The following ABRAXAS1 variants were observed in gnomAD, a reference collection of about 807,000 sequenced individuals.
The protein encoded by ABRAXAS1 is abraxas 1, BRCA1 A complex subunit.
Under a neutral mutation model 38.4 loss-of-function variants are expected in ABRAXAS1, and 26 were observed. The ratio of observed to expected loss-of-function variants is 0.68; its 90% CI spans 0.50 to 0.94. The LOEUF (loss-of-function observed/expected upper bound fraction) is 0.94, where lower values mean the gene tolerates loss of function less well. Ranked by LOEUF, ABRAXAS1 falls within the 40% of genes least tolerant of loss-of-function variation. ABRAXAS1 has a pLI of 0.00. For synonymous variants in ABRAXAS1, 144 were observed against 165.5 expected (o/e 0.87, Z 1.00); for missense variants, 438 against 481.9 (o/e 0.91, Z 0.85).
chr4:83,473,905 G>A (rs1320557619), intron 3 of ABRAXAS1, among the ~76,000 whole-genome samples: 2 of 151,680 alleles, frequency 1.3e-5, no homozygotes, highest in Non-Finnish European at 2.9e-5. Flanking sequence ...GCTGAGGTGG[G>A]TGGATCACTT....
In ABRAXAS1 at chr4:83,467,553, C is replaced by A; in HGVS notation, c.597-15G>T. On this transcript the variant is annotated splice_polypyrimidine_tract_variant and intron_variant, in intron 6 of 8. Transcript: ENST00000321945. ...AAAATTTAGAGCTGTAAAAAATTAC[C>A]ATTTCCTCAGGCAAATACACAAAAC... 1 of 1,343,076 alleles carries A rather than the reference C, an allele frequency of 7.4e-7. No homozygotes were observed. The highest frequency in any genetic ancestry group is 1.2e-5 in the South Asian group (1 of 82,626). The allele number at this position is 1,343,076 out of a possible 1,614,324, so 83.2% of individuals were successfully genotyped here. A position where few individuals can be genotyped will look rare whatever the true frequency, so the allele number is the denominator to read the frequency against.
chr4:83,478,001 A>G, intron 2 of ABRAXAS1: 1 of 968,652 alleles, frequency 1.0e-6, no homozygotes, highest in Non-Finnish European at 1.6e-6. Flanking sequence ...TGGCAGCTTC[A>G]TCGATATATA....
chr4:83,478,463 C>T, intron 2 of ABRAXAS1: 1 of 452,582 alleles, frequency 2.2e-6, no homozygotes, highest in Non-Finnish European at 4.4e-6. Context: ...GCCAGCCTTT[C>T]TACTCCTTTT....
intron 3 of ABRAXAS1, among the ~76,000 whole-genome samples, chr4:83,475,258 C>A (rs990562251): frequency 1.3e-5 from 2 of 152,130 alleles, no homozygotes; most frequent in African/African-American, 4.8e-5. Flanking sequence ...TTTTGTATGT[C>A]CATTACACAT....
At chr4:83,476,072 G>A (rs535297974) in intron 3 of ABRAXAS1, among the ~76,000 whole-genome samples, 3 of 152,220 alleles carry the variant, frequency 2.0e-5, no homozygotes, top group Admixed American at 2.0e-4. Context: ...GTGGTGGCTG[G>A]TGCCTGTGGT....
At position 83,461,037 on chromosome 4, in the gene ABRAXAS1, G is replaced by T; in HGVS notation, c.*1432C>A. The T allele has an allele frequency of 6.2e-7, 1 of 1,612,916 alleles. No individual in the cohort carries two copies. The highest frequency in any genetic ancestry group is 8.5e-7 in the Non-Finnish European group (1 of 1,179,374). On this transcript the variant is annotated 3_prime_UTR_variant, in exon 9 of 9. Transcript: ENST00000321945. ...TTAAGAGAGCTCAAATAATGGGTAA[G>T]AAAGAATACCTCAACAACTGAATTG... is the stretch of plus-strand genomic sequence containing the variant.
chr4:83,468,645 A>G (rs1215845159), intron 6 of ABRAXAS1, among the ~76,000 whole-genome samples: 2 of 152,112 alleles, frequency 1.3e-5, no homozygotes, highest in African/African-American at 4.8e-5. Flanking sequence ...ACTTATTCTA[A>G]CCTAGAATAG....
Position 83,461,523 on chromosome 4 carries a change from TTAAGA to T in ABRAXAS1, c.*941_*945del, listed in dbSNP as rs1722117040. ...AACTAGCAAATATAAGTATGCCTGG[TTAAGA>T]TATCTTCCCTTTGTAGAAATGTTAC... On this transcript the variant is annotated 3_prime_UTR_variant, in exon 9 of 9. Coordinates refer to ENST00000321945, the MANE Select transcript of ABRAXAS1 (RefSeq NM_139076.3). The T allele has an allele frequency of 3.1e-6, 1 of 327,190 alleles. No homozygotes were observed. The highest frequency in any genetic ancestry group is 4.2e-5 in the Admixed American group (1 of 23,614). 20.3% of individuals were successfully genotyped at this position (327,190 alleles called of 1,614,324 possible). A position where few individuals can be genotyped will look rare whatever the true frequency, so the allele number is the denominator to read the frequency against.
chr4:83,482,428 A>G (rs1159095185), intron 1 of ABRAXAS1, among the ~76,000 whole-genome samples, 184 bp from the exon 2 acceptor site: 1 of 152,240 alleles, frequency 6.6e-6, no homozygotes, highest in Non-Finnish European at 1.5e-5. Context: ...AAATGAGAAG[A>G]GGCTAGGCAA....
Position 83,469,392 on chromosome 4 carries a change from A to T in ABRAXAS1, c.477-241T>A, listed in dbSNP as rs1722500108. 4 of 389,402 alleles carry T rather than the reference A, an allele frequency of 1.0e-5. No homozygotes were observed. The South Asian group carries it at 1.4e-4, about 14-fold the overall frequency. 24.1% of individuals were successfully genotyped at this position (389,402 alleles called of 1,614,324 possible). A position where few individuals can be genotyped will look rare whatever the true frequency, so the allele number is the denominator to read the frequency against. On this transcript the variant is annotated intron_variant, in intron 5 of 8. Transcript: ENST00000321945. ...GCAGTGGTGCGATCATGGCTCAATAATGCAGCTTCAACCTCCCGTGCTCAA... is the reference window on the plus strand; with the variant it reads ...GCAGTGGTGCGATCATGGCTCAATATTGCAGCTTCAACCTCCCGTGCTCAA...
rs1175021435 is a variant in ABRAXAS1 at position 83,460,110 on chromosome 4, A to G, written c.*2359T>C. The G allele has an allele frequency of 5.1e-6, 1 of 195,276 alleles. No individual in the cohort carries two copies. Among genetic ancestry groups the G allele is most frequent in the Non-Finnish European group, 1.0e-5 (1 of 97,356 alleles). 12.1% of individuals were successfully genotyped at this position (195,276 alleles called of 1,614,324 possible). On this transcript the variant is annotated 3_prime_UTR_variant, in exon 9 of 9. Coordinates refer to ENST00000321945, the MANE Select transcript of ABRAXAS1 (RefSeq NM_139076.3). Reference sequence around the variant, plus strand: ...TCAGCAAACTATGGCCCATAGGCCAAATTCGACCTGCTCCCTTTTTATCTT... The same window carrying G: ...TCAGCAAACTATGGCCCATAGGCCAGATTCGACCTGCTCCCTTTTTATCTT...
At chr4:83,474,525 A>T (rs1204532783) in intron 3 of ABRAXAS1, among the ~76,000 whole-genome samples, 1 of 152,150 alleles carries the variant, frequency 6.6e-6, no homozygotes, top group African/African-American at 2.4e-5. Flanking sequence ...CATCCTGGCC[A>T]ACATGGTGAA....
At position 83,478,244 on chromosome 4, in the gene ABRAXAS1, C is replaced by T. The variant is rs181696932; in HGVS notation, c.179-1565G>A. 5.9e-6 allele frequency: 4 copies of T among 681,442 alleles called. No homozygotes were observed. In the East Asian group the frequency reaches 1.3e-4, roughly 23 times the overall value. The allele number at this position is 681,442 out of a possible 1,614,324, so 42.2% of individuals were successfully genotyped here. A position where few individuals can be genotyped will look rare whatever the true frequency, so the allele number is the denominator to read the frequency against. On this transcript the variant is annotated intron_variant, in intron 2 of 8. Transcript: ENST00000321945. ...TGTGGCAGGCACTCACGTGATGAAC[C>T]AGAGGGCAATCGTGGGACATGTGGA...
Position 83,459,914 on chromosome 4 carries a change from T to C in ABRAXAS1, c.*2555A>G. The stretch of plus-strand genomic sequence containing the variant: ...TGCTATAAATTACTACTAGATCAGA[T>C]ACTACAGGGACTAGAGCTAGTTACT... On this transcript the variant is annotated 3_prime_UTR_variant, in exon 9 of 9. Coordinates refer to ENST00000321945, the MANE Select transcript of ABRAXAS1 (RefSeq NM_139076.3). 1.2e-6 allele frequency: 1 copy of C among 807,078 alleles called. No individual in the cohort carries two copies. Among genetic ancestry groups the C allele is most frequent in the Non-Finnish European group, 2.0e-6 (1 of 507,042 alleles). The allele number at this position is 807,078 out of a possible 1,614,324, so 50.0% of individuals were successfully genotyped here.
chr4:83,483,438 G>A (rs890846947), intron 1 of ABRAXAS1, among the ~76,000 whole-genome samples: 3 of 151,826 alleles, frequency 2.0e-5, no homozygotes, highest in South Asian at 2.1e-4. Context: ...GTGCCACCAC[G>A]CCGGGCTAAT....
intron 2 of ABRAXAS1, chr4:83,479,931 A>G (rs1469849287): frequency 6.5e-6 from 1 of 154,604 alleles, no homozygotes; most frequent in Non-Finnish European, 1.4e-5. Context: ...ACTACACTCC[A>G]GCCTGGCTGA....
chr4:83,465,083 G>A (rs1722297980), intron 7 of ABRAXAS1, among the ~76,000 whole-genome samples: 1 of 151,716 alleles, frequency 6.6e-6, no homozygotes, highest in Non-Finnish European at 1.5e-5. Flanking sequence ...ATAACCTGAG[G>A]TCTTGGGTTC....
chr4:83,478,142 G>A (rs1044122276), intron 2 of ABRAXAS1: 21 of 778,308 alleles, frequency 2.7e-5, no homozygotes, highest in Non-Finnish European at 4.3e-5. Context: ...AGGAATGATG[G>A]AAGACACAAC....
At position 83,482,025 on chromosome 4, in the gene ABRAXAS1, G is replaced by T. The variant is rs144237623; in HGVS notation, c.178+129C>A. 0.079 allele frequency: 46,570 copies of T among 591,970 alleles called. 2,376 individuals are homozygous for T. The highest frequency in any genetic ancestry group is 0.16 in the Middle Eastern group (365 of 2,298). 36.7% of individuals were successfully genotyped at this position (591,970 alleles called of 1,614,324 possible). On this transcript the variant is annotated intron_variant, in intron 2 of 8. Coordinates refer to ENST00000321945, the MANE Select transcript of ABRAXAS1 (RefSeq NM_139076.3). ...CTCCCAAAGTGCTGGGATTACAGGT[G>T]TGAGCCACCTTGCCCAGCCTCTGTA...
Sources: allele counts gnomAD v4.1 joint callset (sites outside exome capture counted in the v4.1 genomes callset), GRCh38; gene constraint gnomAD v4.1.1; transcripts MANE v1.5; gene names NCBI Gene and HGNC (gene_info 2026-07-23, HGNC 2026-07-21).